Variants in CDH13 observed in about 807,000 individuals in gnomAD.
CDH13 encodes cadherin 13.
In CDH13, 24 loss-of-function variants were observed where a neutral mutation model predicts 63.8. That is an observed-to-expected ratio of 0.38 (90% CI 0.27 to 0.53). The LOEUF (loss-of-function observed/expected upper bound fraction) is 0.53, where lower values mean the gene tolerates loss of function less well. CDH13 is among the 20% of genes least tolerant of loss of function. The pLI is 0.85. For missense variants in CDH13, 1,049 were observed against 903.1 expected (o/e 1.16, Z -2.07); for synonymous variants, 503 against 355.3 (o/e 1.42, Z -4.67).
chr16:82,794,022 G>A (rs1288079364), intron 1 of CDH13, among the ~76,000 whole-genome samples: 1 of 152,066 alleles, frequency 6.6e-6, no homozygotes, highest in Non-Finnish European at 1.5e-5. Context: ...CCTGCTGGAG[G>A]AAAGCAGAAA....
At chr16:83,605,797 T>G (rs1226372923) in intron 8 of CDH13, among the ~76,000 whole-genome samples, 1 of 152,238 alleles carries the variant, frequency 6.6e-6, no homozygotes, top group Non-Finnish European at 1.5e-5. Context: ...CCCTCCAGGT[T>G]AAAAGGCTAC....
At chr16:83,236,683 A>G (rs1335324905) in intron 5 of CDH13, among the ~76,000 whole-genome samples, 1 of 152,070 alleles carries the variant, frequency 6.6e-6, no homozygotes, top group African/African-American at 2.4e-5. Context: ...AGCTAAGTAA[A>G]ATATAAGGGA....
chr16:83,513,562 A>C (rs886601333), intron 7 of CDH13, among the ~76,000 whole-genome samples: 6 of 152,156 alleles, frequency 3.9e-5, no homozygotes, highest in African/African-American at 1.4e-4. Context: ...TCATGGCAGA[A>C]GGGAAAGTCA....
At chr16:83,401,906 C>A (rs941412244) in intron 6 of CDH13, among the ~76,000 whole-genome samples, 1 of 152,060 alleles carries the variant, frequency 6.6e-6, no homozygotes, top group Non-Finnish European at 1.5e-5. Flanking sequence ...TGAATATATT[C>A]GTTTCAGTCT....
intron 3 of CDH13, among the ~76,000 whole-genome samples, chr16:83,085,284 A>T (rs960803869): frequency 2.6e-5 from 4 of 152,176 alleles, no homozygotes; most frequent in African/African-American, 9.6e-5. Flanking sequence ...TTTATTCACT[A>T]TCATGAGAAT....
chr16:82,991,818 G>A (rs1030630881), intron 2 of CDH13, among the ~76,000 whole-genome samples: 1 of 150,652 alleles, frequency 6.6e-6, no homozygotes, highest in African/African-American at 2.5e-5. Flanking sequence ...CATAGTTGAG[G>A]AAGAGGGAAG....
At chr16:83,280,132 A>G (rs1358669583) in intron 5 of CDH13, among the ~76,000 whole-genome samples, 1 of 152,116 alleles carries the variant, frequency 6.6e-6, no homozygotes, top group Non-Finnish European at 1.5e-5. Context: ...TCAAACAAGG[A>G]TTTCTTTTCC....
At chr16:83,522,336 A>G (rs1049560872) in intron 7 of CDH13, among the ~76,000 whole-genome samples, 1 of 152,226 alleles carries the variant, frequency 6.6e-6, no homozygotes, top group African/African-American at 2.4e-5. Context: ...GTATACGTCC[A>G]TCTTATGTCA....
intron 1 of CDH13, among the ~76,000 whole-genome samples, chr16:82,818,710 G>A (rs968524292): frequency 2.6e-5 from 4 of 152,138 alleles, no homozygotes; most frequent in East Asian, 1.9e-4. Flanking sequence ...AGGCAGTGAC[G>A]GTGCCTCACA....
Position 83,359,618 on chromosome 16 carries a change from T to C in CDH13, c.781+14612T>C, listed in dbSNP as rs1037257070. 5.0e-4 allele frequency among the ~76,000 whole-genome samples: 76 copies of C among 152,186 alleles called. 1 individual carries two copies. Among genetic ancestry groups the C allele is most frequent in the African/African-American group, 1.8e-3 (76 of 41,458 alleles). On this transcript the variant is annotated intron_variant, in intron 6 of 13. Transcript: ENST00000567109. Reference sequence around the variant, plus strand: ...TTCTGTGGCAGCACTTTGTACGAGTTTGAATTGGGCACATTCGAAATGATT... The same window carrying C: ...TTCTGTGGCAGCACTTTGTACGAGTCTGAATTGGGCACATTCGAAATGATT...
At chr16:83,049,604 G>C (rs1290199351) in intron 3 of CDH13, among the ~76,000 whole-genome samples, 1 of 151,942 alleles carries the variant, frequency 6.6e-6, no homozygotes, top group Non-Finnish European at 1.5e-5. Flanking sequence ...CAGAGTGCTG[G>C]GATTACAGGC....
intron 6 of CDH13, among the ~76,000 whole-genome samples, chr16:83,480,903 C>G (rs1248854956): frequency 1.3e-5 from 2 of 152,192 alleles, no homozygotes; most frequent in Admixed American, 1.3e-4. Flanking sequence ...GCACCCTAAG[C>G]TGCTGCTGGT....
intron 1 of CDH13, among the ~76,000 whole-genome samples, chr16:82,762,997 G>A (rs148821507): frequency 6.6e-6 from 1 of 152,256 alleles, no homozygotes; most frequent in African/African-American, 2.4e-5. Context: ...CAGGACATTC[G>A]TGGTGCTACT....
rs184818317 is a variant in CDH13 at position 83,779,812 on chromosome 16, C to T, written c.1682-156C>T. 1.2e-3 allele frequency among the ~76,000 whole-genome samples: 178 copies of T among 152,212 alleles called. 1 individual carries two copies. The highest frequency in any genetic ancestry group is 4.2e-3 in the African/African-American group (176 of 41,510). On this transcript the variant is annotated intron_variant, in intron 11 of 13. Coordinates refer to ENST00000567109, the MANE Select transcript of CDH13 (RefSeq NM_001257.5). ...GGTTGTGGCTGCAGTGAGCCATGAT[C>T]GCACCACTGCATTCCAGTCTGGGCG... is the stretch of plus-strand genomic sequence containing the variant.
chr16:83,525,307 A>C (rs1204225896), intron 7 of CDH13, among the ~76,000 whole-genome samples: 2 of 152,260 alleles, frequency 1.3e-5, no homozygotes, highest in African/African-American at 4.8e-5. Context: ...CCTGTGTGTC[A>C]TGCACACTGA....
intron 1 of CDH13, among the ~76,000 whole-genome samples, chr16:82,692,704 G>A (rs1915760199): frequency 6.6e-6 from 1 of 152,198 alleles, no homozygotes; most frequent in African/African-American, 2.4e-5. Flanking sequence ...AGCAATCAGA[G>A]GAGAGAGAAC....
intron 3 of CDH13, among the ~76,000 whole-genome samples, chr16:83,050,472 TC>T (rs1283384789): frequency 2.0e-5 from 3 of 152,178 alleles, no homozygotes; most frequent in African/African-American, 7.2e-5. Context: ...CTGTCCTTGT[TC>T]TCCCACTCTT....
At chr16:82,643,372 G>A (rs750059112) in intron 1 of CDH13, among the ~76,000 whole-genome samples, 2 of 152,140 alleles carry the variant, frequency 1.3e-5, no homozygotes, top group African/African-American at 2.4e-5. Context: ...TTAACACTGC[G>A]ACTCCTCAAA....
chr16:83,251,079 A>G (rs1905470018), intron 5 of CDH13, among the ~76,000 whole-genome samples: 1 of 152,064 alleles, frequency 6.6e-6, no homozygotes, highest in South Asian at 2.1e-4. Context: ...GGATAATGAA[A>G]GCCACAACCC....
Sources: gnomAD v4.1 joint callset for allele counts (sites outside exome capture counted in the v4.1 genomes callset) on GRCh38, gnomAD v4.1.1 for gene constraint, MANE v1.5 for transcripts, NCBI Gene and HGNC (gene_info 2026-07-23, HGNC 2026-07-21) for gene names.